The following FAM151A variants were observed in gnomAD, a reference collection of about 807,000 sequenced individuals.
FAM151A encodes the protein family with sequence similarity 151 member A.
In FAM151A, 41 loss-of-function variants were observed where a neutral mutation model predicts 40.4. The observed-to-expected ratio is 1.01, with a 90% CI of 0.79 to 1.32. The LOEUF (loss-of-function observed/expected upper bound fraction) is 1.32, where lower values mean the gene tolerates loss of function less well. FAM151A is among the 40% of genes most tolerant of loss of function. The pLI is 0.00. For missense variants in FAM151A, 740 were observed against 740.4 expected (o/e 1.00, Z 0.01); for synonymous variants, 337 against 312.5 (o/e 1.08, Z -0.83).
chr1:54,610,252 ACTCCCT>A, intron 7 of FAM151A, 154 bp downstream of exon 7: 1 of 1,458,008 alleles, frequency 6.9e-7, no homozygotes, highest in South Asian at 1.4e-5. Context: ...ACATCACTGT[ACTCCCT>A]CTCCCTCCCC....
In FAM151A at chr1:54,619,904, G is replaced by A. The variant is rs769912646; in HGVS notation, c.222C>T (p.His74=). 1.1e-5 allele frequency: 17 copies of A among 1,614,016 alleles called. No homozygotes were observed. The Admixed American group carries it at 1.2e-4, about 11-fold the overall frequency. The change falls in exon 2 of 8, where the codon CAC becomes CAT. Residue 74 remains histidine (H), a synonymous_variant. Coordinates refer to ENST00000302250, the MANE Select transcript of FAM151A (RefSeq NM_176782.3). The part of the protein sequence containing the change: ...RRDALEVTWY[H]AANSKKAMTA... ...TCATGGCTTTCTTGCTGTTGGCTGC[G>A]TGGTACCAGGTGACCTCCAAGGCAT... is the stretch of plus-strand genomic sequence containing the variant.
At chr1:54,614,942 G>GTGTGTT in intron 3 of FAM151A, 83 bp from the exon 4 acceptor site, 2 of 522,180 alleles carry the variant, frequency 3.8e-6, no homozygotes, top group South Asian at 4.9e-5. Flanking sequence ...CAGAGCGGGT[G>GTGTGTT]TGTGTGTGTG....
rs753119849 is a variant in FAM151A at position 54,612,558 on chromosome 1, G to A, written c.728C>T (p.Thr243Ile). The A allele has an allele frequency of 3.7e-6, 6 of 1,613,976 alleles. No individual in the cohort carries two copies. The African/African-American group carries it at 6.7e-5, about 18-fold the overall frequency. Residue 243 changes from threonine (T) to isoleucine (I), a missense_variant, in exon 5 of 8, where the codon ACC (threonine) becomes ATC (isoleucine). Coordinates refer to ENST00000302250, the MANE Select transcript of FAM151A (RefSeq NM_176782.3). ...CACCATGGAAGACCGTACAGGGAAG[G>A]TGACCCTCTGGGGCACTCCTCCCAC... ...ELVGGVPQRV[T>I]FPVRSSMVRA... is the part of the protein sequence containing the mutation.
chr1:54,616,365 GT>G (rs1644173703), intron 2 of FAM151A, among the ~76,000 whole-genome samples, 193 bp from the exon 3 acceptor site: 1 of 151,472 alleles, frequency 6.6e-6, no homozygotes, highest in Admixed American at 6.6e-5. Flanking sequence ...CTATGCATAG[GT>G]TTTTGTTTTT....
At chr1:54,610,264 TC>T in intron 7 of FAM151A, 147 bp downstream of exon 7, 1 of 1,480,470 alleles carries the variant, frequency 6.8e-7, no homozygotes, top group Non-Finnish European at 8.9e-7. Flanking sequence ...TCCCTCTCCC[TC>T]CCCGCAACCC....
Position 54,623,321 on chromosome 1 carries a change from C to A in FAM151A, c.75G>T (p.Val25=), listed in dbSNP as rs998251649. ...TGGCAAGGACTATTGCGGCAATGAC[C>A]ACCACAGACACACAGGTAATGCCGG... ...VFAGITCVSV[V]VIAAIVLAIT... The change falls in exon 1 of 8, where the codon GTG becomes GTT. Residue 25 remains valine (V), a synonymous_variant. Coordinates refer to ENST00000302250, the MANE Select transcript of FAM151A (RefSeq NM_176782.3). The A allele has an allele frequency of 6.2e-7, 1 of 1,614,018 alleles. No homozygotes were observed. The highest frequency in any genetic ancestry group is 1.7e-5 in the Admixed American group (1 of 60,000).
rs376886368 is a variant in FAM151A, at chr1:54,610,568, A to G, written c.941-13T>C. On this transcript the variant is annotated splice_polypyrimidine_tract_variant and intron_variant, in intron 6 of 7. Coordinates refer to ENST00000302250, the MANE Select transcript of FAM151A (RefSeq NM_176782.3). ...CGTGTGGCATTCACTGTGGGGCCCC[A>G]AATCGCCAAGGTGAAGTGGCTGCCA... 1.7e-4 allele frequency: 268 copies of G among 1,607,680 alleles called. No individual in the cohort carries two copies. The highest frequency in any genetic ancestry group is 5.0e-4 in the Middle Eastern group (3 of 5,992).
In FAM151A at chr1:54,609,697, A is replaced by G; in HGVS notation, c.1329T>C (p.Val443=). ...SLGLLHWPVW[V]GAKISHGSFS... Reference sequence around the variant, plus strand: ...AACTCCCGTGGGAGATTTTGGCCCCAACCCACACAGGCCAATGCAAGAGGC... The same window carrying G: ...AACTCCCGTGGGAGATTTTGGCCCCGACCCACACAGGCCAATGCAAGAGGC... The change falls in exon 8 of 8, where the codon GTT becomes GTC. Residue 443 remains valine (V), a synonymous_variant. Transcript: ENST00000302250. 3 of 1,614,088 alleles carry G rather than the reference A, an allele frequency of 1.9e-6. No individual in the cohort carries two copies. The highest frequency in any genetic ancestry group is 1.3e-5 in the African/African-American group (1 of 75,076).
At chr1:54,620,103 G>A in intron 1 of FAM151A, 96 bp from the exon 2 acceptor site, 1 of 1,321,284 alleles carries the variant, frequency 7.6e-7, no homozygotes, top group Non-Finnish European at 1.0e-6. Context: ...CTCCCACTGT[G>A]TCCAGTACCC....
rs201054415 is a variant in FAM151A, at chr1:54,623,401, C to T, written c.-6G>A. The stretch of plus-strand genomic sequence containing the variant: ...AACTGCTCCCTGCAGACCATGGCGA[C>T]GCTCTCTGGGGAATGCCCCCAACTC... On this transcript the variant is annotated 5_prime_UTR_variant, in exon 1 of 8. Coordinates refer to ENST00000302250, the MANE Select transcript of FAM151A (RefSeq NM_176782.3). The T allele has an allele frequency of 9.9e-6, 16 of 1,610,278 alleles. No individual in the cohort carries two copies. The highest frequency in any genetic ancestry group is 4.0e-5 in the African/African-American group (3 of 74,960).
intron 3 of FAM151A, among the ~76,000 whole-genome samples, chr1:54,615,614 G>A (rs549634210): frequency 9.9e-5 from 15 of 152,040 alleles, no homozygotes; most frequent in Admixed American, 7.2e-4. Flanking sequence ...CTGAGTTGCC[G>A]TGAGGATGAG....
At chr1:54,611,070 A>G (rs1644112369) in intron 6 of FAM151A, 7 of 951,714 alleles carry the variant, frequency 7.4e-6, no homozygotes, top group Non-Finnish European at 8.8e-6. Context: ...AAGCTGAGTG[A>G]CTGTATAAAT....
chr1:54,610,716 GTGACT>G, intron 6 of FAM151A, 161 bp from the exon 7 acceptor site: 4 of 979,968 alleles, frequency 4.1e-6, no homozygotes, highest in Non-Finnish European at 4.8e-6. Flanking sequence ...ACTAGAAGAA[GTGACT>G]TGCCCAAGGT....
At chr1:54,623,058 C>G (rs952927258) in intron 1 of FAM151A, among the ~76,000 whole-genome samples, 5 of 151,896 alleles carry the variant, frequency 3.3e-5, no homozygotes, top group African/African-American at 1.2e-4. Context: ...TGCCTGTAAT[C>G]CCAGCTACTC....
chr1:54,619,903 C>T lies in FAM151A; in HGVS notation c.223G>A (p.Ala75Thr), dbSNP rs745746159. Residue 75 changes from alanine to threonine, a missense_variant, in exon 2 of 8, where the codon GCA becomes ACA. Transcript: ENST00000302250. ...GTCATGGCTTTCTTGCTGTTGGCTGCGTGGTACCAGGTGACCTCCAAGGCA... is the reference window on the plus strand; with the variant it reads ...GTCATGGCTTTCTTGCTGTTGGCTGTGTGGTACCAGGTGACCTCCAAGGCA... ...RDALEVTWYH[A>T]ANSKKAMTAA... The T allele has an allele frequency of 7.4e-6, 12 of 1,614,002 alleles. No homozygotes were observed. In the East Asian group the frequency reaches 1.6e-4, roughly 21 times the overall value.
rs373528506 is a variant in FAM151A, at chr1:54,610,268, C to T, written c.1084+144G>A. ...CATCACTGTACTCCCTCTCCCTCCC[C>T]GCAACCCTGCCCCACCTTGCATCCA... On this transcript the variant is annotated intron_variant, in intron 7 of 7. Coordinates refer to ENST00000302250, the MANE Select transcript of FAM151A (RefSeq NM_176782.3). The T allele has an allele frequency of 9.9e-5, 148 of 1,488,272 alleles. 1 individual carries two copies. The highest frequency in any genetic ancestry group is 6.6e-4 in the East Asian group (28 of 42,606). The allele number at this position is 1,488,272 out of a possible 1,614,324, so 92.2% of individuals were successfully genotyped here. A position where few individuals can be genotyped will look rare whatever the true frequency, so the allele number is the denominator to read the frequency against.
rs1422929234 is a variant in FAM151A at position 54,615,939 on chromosome 1, T to C, written c.415+81A>G. The stretch of plus-strand genomic sequence containing the variant: ...CACCTCGTGTCAGGGCTGGACTTGC[T>C]TCCCAGTGAGGGATCTCTGCACATG... On this transcript the variant is annotated intron_variant, in intron 3 of 7. Transcript: ENST00000302250. The C allele has an allele frequency of 1.8e-5, 26 of 1,464,582 alleles. No homozygotes were observed. In the Admixed American group the frequency reaches 4.9e-4, roughly 28 times the overall value. 90.7% of individuals were successfully genotyped at this position (1,464,582 alleles called of 1,614,324 possible). A position where few individuals can be genotyped will look rare whatever the true frequency, so the allele number is the denominator to read the frequency against.
intron 2 of FAM151A, among the ~76,000 whole-genome samples, chr1:54,618,301 C>T (rs1191687550): frequency 6.6e-6 from 1 of 152,036 alleles, no homozygotes; most frequent in Non-Finnish European, 1.5e-5. Flanking sequence ...TTTAGGAGTT[C>T]GAGACTAGCC....
In FAM151A at chr1:54,609,723, C is replaced by T; in HGVS notation, c.1303G>A (p.Gly435Ser). 2 of 1,614,098 alleles carry T rather than the reference C, an allele frequency of 1.2e-6. No homozygotes were observed. The highest frequency in any genetic ancestry group is 2.2e-5 in the South Asian group (2 of 91,084). ...ACCCACACAGGCCAATGCAAGAGGC[C>T]AAGGCTGGAGAGGCGTGCCAGCAAG... ...LALLARLSSL[G>S]LLHWPVWVGA... The change falls in exon 8 of 8, where the codon GGC becomes AGC. Residue 435 changes from glycine to serine, a missense_variant. By Grantham distance (56) the Gly-to-Ser change is moderately conservative (BLOSUM62 0). Transcript: ENST00000302250.
Sources: gnomAD v4.1 joint callset for allele counts (sites outside exome capture counted in the v4.1 genomes callset) on GRCh38, gnomAD v4.1.1 for gene constraint, MANE v1.5 for transcripts, NCBI Gene and HGNC (gene_info 2026-07-23, HGNC 2026-07-21) for gene names.